EIF2B1: variants seen among roughly 807,000 people sequenced by gnomAD.
EIF2B1 encodes eukaryotic translation initiation factor 2B subunit alpha.
EIF2B1 carries 30 observed loss-of-function variants against 36.8 expected under a neutral mutation model. That is an observed-to-expected ratio of 0.81 (90% CI 0.61 to 1.10). EIF2B1 has a LOEUF of 1.10. EIF2B1 is among the 50% of genes least tolerant of loss of function. The pLI is 0.00. For synonymous variants in EIF2B1, 139 were observed against 142.2 expected, an observed-to-expected ratio of 0.98 and a Z score of 0.16; for missense variants, 271 against 374.8, an observed-to-expected ratio of 0.72 and a Z score of 2.29.
In EIF2B1 at chr12:123,630,253, C is replaced by T. The variant is rs1955178127; in HGVS notation, c.285G>A (p.Glu95=). 1 of 1,614,192 alleles carries T rather than the reference C, an allele frequency of 6.2e-7. No individual in the cohort carries two copies. The highest frequency in any genetic ancestry group is 1.1e-5 in the South Asian group (1 of 91,080). ...DYSKCKKIMI[E]RGELFLRRIS... is the part of the protein sequence containing the mutation. ...TTCTCCTGAGAAAAAGTTCTCCCCG[C>T]TCAATCATGATCTTTTTACATTTGG... The change falls in exon 4 of 9, where the codon GAG becomes GAA. Residue 95 remains glutamate, a synonymous_variant. Coordinates refer to ENST00000424014, the MANE Select transcript of EIF2B1 (RefSeq NM_001414.4). The surrounding 1 kb of genome is among the most constrained non-coding windows in gnomAD (Gnocchi z 4.6).
At chr12:123,624,926 G>A in intron 6 of EIF2B1, 64 bp from the exon 7 acceptor site, 1 of 1,410,152 alleles carries the variant, frequency 7.1e-7, no homozygotes, top group Non-Finnish European at 1.0e-6. Context: ...ATCATCATCT[G>A]CAAAGATCAA....
chr12:123,633,473 G>A (rs767133848), intron 1 of EIF2B1, 72 bp downstream of exon 1: 2 of 1,602,206 alleles, frequency 1.2e-6, no homozygotes, highest in Non-Finnish European at 1.7e-6. Flanking sequence ...AGCTCAGCCT[G>A]GATGTGAGAG....
intron 8 of EIF2B1, 142 bp downstream of exon 8, chr12:123,622,494 A>G: frequency 1.7e-6 from 2 of 1,197,144 alleles, no homozygotes; most frequent in East Asian, 2.6e-5. Context: ...TGTGAGTCCA[A>G]TCACCAATTT....
In EIF2B1 at chr12:123,630,597, AATTC is replaced by A; in HGVS notation, c.116-68_116-65del. The A allele has an allele frequency of 3.8e-6, 6 of 1,597,300 alleles. No individual in the cohort carries two copies. Among genetic ancestry groups the A allele is most frequent in the South Asian group, 1.1e-5 (1 of 90,820 alleles). ...GGCCACAGCCCCGACCTGTATCTTC[AATTC>A]ATTCATTCATTCAGTGAATATTTAC... On this transcript the variant is annotated intron_variant, in intron 2 of 8. Coordinates refer to ENST00000424014, the MANE Select transcript of EIF2B1 (RefSeq NM_001414.4). This position sits in a 1 kb window ranked among gnomAD's most constrained non-coding sequence, Gnocchi z 4.6.
chr12:123,623,342 T>C (rs920643811), intron 7 of EIF2B1, among the ~76,000 whole-genome samples: 6 of 152,090 alleles, frequency 3.9e-5, no homozygotes, highest in Admixed American at 1.3e-4. Context: ...GCCAAGACTG[T>C]GCCATTGCAC....
At chr12:123,622,782 A>G (rs371550032) in intron 7 of EIF2B1, 21 bp from the exon 8 acceptor site, 1 of 1,613,034 alleles carries the variant, frequency 6.2e-7, no homozygotes, top group African/African-American at 1.3e-5. Flanking sequence ...AGAAAATGGA[A>G]TGGATGAGCT....
At chr12:123,631,261 A>C (rs902021225) in intron 2 of EIF2B1, among the ~76,000 whole-genome samples, 3 of 152,210 alleles carry the variant, frequency 2.0e-5, no homozygotes, top group Non-Finnish European at 2.9e-5. Flanking sequence ...TGACAACGTA[A>C]GAGCTCTCTC....
intron 2 of EIF2B1, among the ~76,000 whole-genome samples, chr12:123,631,525 T>A (rs994928175): frequency 6.6e-6 from 1 of 150,390 alleles, no homozygotes; most frequent in Admixed American, 6.6e-5. Context: ...ATAAAAAAAT[T>A]TGGCCGGGCC....
chr12:123,626,530 A>C (rs747575520), intron 5 of EIF2B1, 37 bp from the exon 6 acceptor site: 132 of 1,610,048 alleles, frequency 8.2e-5, no homozygotes, highest in Non-Finnish European at 1.1e-4. Flanking sequence ...GAGAAAGTAC[A>C]AGACAGTACC....
In EIF2B1 at chr12:123,627,024, C is replaced by T; in HGVS notation, c.482+20G>A. On this transcript the variant is annotated intron_variant, in intron 5 of 8. Transcript: ENST00000424014. Reference sequence around the variant, plus strand: ...TGTAAAATTATGGCTGGGCACATAACTGAACAGAAAGGTACTTGCCCTGAC... The same window carrying T: ...TGTAAAATTATGGCTGGGCACATAATTGAACAGAAAGGTACTTGCCCTGAC... The T allele has an allele frequency of 6.2e-7, 1 of 1,607,454 alleles. No individual in the cohort carries two copies.
rs1294856718 is a variant in EIF2B1, at chr12:123,620,655, A to G, written c.*1101T>C. 7.9e-6 allele frequency: 1 copy of G among 126,926 alleles called. No homozygotes were observed. The highest frequency in any genetic ancestry group is 1.6e-5 in the Non-Finnish European group (1 of 60,834). 7.9% of individuals were successfully genotyped at this position (126,926 alleles called of 1,614,324 possible). ...GCTCTTTTTTCTGAGGCTATTTTAT[A>G]GTTATTTTTAAACATAAAGATACAG... On this transcript the variant is annotated 3_prime_UTR_variant, in exon 9 of 9. Coordinates refer to ENST00000424014, the MANE Select transcript of EIF2B1 (RefSeq NM_001414.4).
In EIF2B1 at chr12:123,630,750, C is replaced by A. The variant is rs1251834195; in HGVS notation, c.116-217G>T. 6.6e-6 allele frequency among the ~76,000 whole-genome samples: 1 copy of A among 152,146 alleles called. No individual in the cohort carries two copies. The highest frequency in any genetic ancestry group is 1.5e-5 in the Non-Finnish European group (1 of 68,034). ...AGAGGAAGCGGATAGTAAACAAGCA[C>A]ACATAGAAATAAAGCTGGGTGGCTG... On this transcript the variant is annotated intron_variant, in intron 2 of 8. Coordinates refer to ENST00000424014, the MANE Select transcript of EIF2B1 (RefSeq NM_001414.4). The surrounding 1 kb of genome is among the most constrained non-coding windows in gnomAD (Gnocchi z 4.6).
chr12:123,623,245 G>A lies in EIF2B1; in HGVS notation c.628-484C>T, dbSNP rs559662613. On this transcript the variant is annotated intron_variant, in intron 7 of 8. Coordinates refer to ENST00000424014, the MANE Select transcript of EIF2B1 (RefSeq NM_001414.4). ...AAATACAAAAAATTAGCTGGGCATG[G>A]TGGGATGGGGGGTGCCTGTAATCCC... Among the ~76,000 whole-genome samples, 47 of 152,034 alleles carry A rather than the reference G, an allele frequency of 3.1e-4. 1 individual carries two copies. The highest frequency in any genetic ancestry group is 2.2e-4 in the Non-Finnish European group (15 of 67,978).
intron 1 of EIF2B1, among the ~76,000 whole-genome samples, chr12:123,633,193 C>T (rs1270231181): frequency 1.3e-5 from 2 of 149,928 alleles, no homozygotes; most frequent in African/African-American, 2.5e-5. Flanking sequence ...TATTTCTTTA[C>T]ATGAAAAGTG....
intron 2 of EIF2B1, among the ~76,000 whole-genome samples, chr12:123,631,431 G>C (rs914900161): frequency 7.9e-5 from 12 of 152,178 alleles, no homozygotes; most frequent in Non-Finnish European, 1.2e-4. Context: ...TCAGCACTTT[G>C]GGAGGGCGAG....
At chr12:123,633,328 C>A (rs993077764) in intron 1 of EIF2B1, among the ~76,000 whole-genome samples, 2 of 151,238 alleles carry the variant, frequency 1.3e-5, no homozygotes. Context: ...TGGGAAGGAG[C>A]GTATGTGTGG....
chr12:123,633,589 C>T lies in EIF2B1; in HGVS notation c.-32G>A, dbSNP rs772727509. ...CTCCTGCTGCGGAGCCCCAGGGGAC[C>T]CGAGCCGCCCGCGCTGTCTCGAACG... On this transcript the variant is annotated 5_prime_UTR_variant, in exon 1 of 9. Coordinates refer to ENST00000424014, the MANE Select transcript of EIF2B1 (RefSeq NM_001414.4). The T allele has an allele frequency of 2.1e-5, 34 of 1,606,462 alleles. No homozygotes were observed. The highest frequency in any genetic ancestry group is 2.8e-5 in the Non-Finnish European group (33 of 1,179,902).
intron 1 of EIF2B1, among the ~76,000 whole-genome samples, chr12:123,633,170 A>G (rs538325749): frequency 6.0e-4 from 90 of 150,528 alleles, no homozygotes; most frequent in African/African-American, 2.2e-3. Flanking sequence ...ATGGAGTTCC[A>G]CCCACTCCCC....
chr12:123,625,655 T>C (rs1955142983), intron 6 of EIF2B1, among the ~76,000 whole-genome samples: 1 of 152,244 alleles, frequency 6.6e-6, no homozygotes, highest in African/African-American at 2.4e-5. Context: ...CTCTTGTTTT[T>C]TCTTGGGAAA....
Sources: gnomAD v4.1 joint callset for allele counts (sites outside exome capture counted in the v4.1 genomes callset) on GRCh38, gnomAD v4.1.1 for gene constraint, Gnocchi (gnomAD v3.1) non-coding constraint, MANE v1.5 for transcripts, NCBI Gene and HGNC (gene_info 2026-07-23, HGNC 2026-07-21) for gene names.